CDK7: variants seen among roughly 807,000 people sequenced by gnomAD.
The protein encoded by CDK7 is cyclin-dependent kinase 7.
CDK7 carries 25 observed loss-of-function variants against 49.1 expected under a neutral mutation model. The observed-to-expected ratio is 0.51, with a 90% CI of 0.37 to 0.71. The LOEUF is 0.71. CDK7 is among the 30% of genes least tolerant of loss of function. The pLI is 0.00. For synonymous variants in CDK7, 107 were observed against 140.0 expected (o/e 0.76, Z 1.67); for missense variants, 316 against 411.7 (o/e 0.77, Z 2.01).
chr5:69,267,613 T>C (rs547163137), intron 8 of CDK7, among the ~76,000 whole-genome samples: 8 of 152,150 alleles, frequency 5.3e-5, no homozygotes, highest in Non-Finnish European at 1.0e-4. Flanking sequence ...AAGGATTCTT[T>C]AATCATAACC....
At chr5:69,248,069 TAAC>T (rs1749876170) in intron 2 of CDK7, among the ~76,000 whole-genome samples, 1 of 152,206 alleles carries the variant, frequency 6.6e-6, no homozygotes, top group South Asian at 2.1e-4. Flanking sequence ...TATTGCTCAT[TAAC>T]GTCTTTTCTT....
In CDK7 at chr5:69,248,802, C is replaced by CTTTTTTTTTTTT; in HGVS notation, c.127-3610_127-3599dup. On this transcript the variant is annotated intron_variant, in intron 2 of 11. Transcript: ENST00000256443. Reference sequence around the variant, plus strand: ...ATAACCTTCTTTTCTTTTTTTTTTTCTTTTTTTTTTTTTTTTTGGAGACGG... The same window carrying CTTTTTTTTTTTT: ...ATAACCTTCTTTTCTTTTTTTTTTTCTTTTTTTTTTTTTTTTTTTTTTTTTTTTTGGAGACGG... Among the ~76,000 whole-genome samples the CTTTTTTTTTTTT allele has an allele frequency of 2.1e-3, 193 of 92,150 alleles. 1 individual carries two copies. The highest frequency in any genetic ancestry group is 2.4e-3 in the Non-Finnish European group (120 of 50,036). 60.5% of individuals were successfully genotyped at this position (92,150 alleles called of 152,430 possible).
chr5:69,242,905 C>A (rs887816592), intron 2 of CDK7, among the ~76,000 whole-genome samples: 1 of 152,014 alleles, frequency 6.6e-6, no homozygotes, highest in African/African-American at 2.4e-5. Context: ...ATTATCCGGG[C>A]GTGGTGGTGC....
chr5:69,258,529 C>T (rs1001585981), intron 6 of CDK7, among the ~76,000 whole-genome samples: 6 of 151,856 alleles, frequency 4.0e-5, no homozygotes, highest in Admixed American at 2.0e-4. Flanking sequence ...CACAGGTGCC[C>T]GCCACCACGC....
At chr5:69,259,976 A>G (rs1278007512) in intron 7 of CDK7, 40 bp downstream of exon 7, 2 of 1,202,694 alleles carry the variant, frequency 1.7e-6, no homozygotes, top group African/African-American at 3.0e-5. Flanking sequence ...GAGTTTGATC[A>G]GAAATGAGCA....
chr5:69,257,173 G>T (rs1750544066), intron 5 of CDK7, among the ~76,000 whole-genome samples: 1 of 152,158 alleles, frequency 6.6e-6, no homozygotes. Flanking sequence ...TGGGGGCTTT[G>T]GGGTAAAGGA....
intron 2 of CDK7, among the ~76,000 whole-genome samples, chr5:69,236,849 G>A (rs995364029): frequency 1.7e-4 from 25 of 150,238 alleles, no homozygotes; most frequent in Non-Finnish European, 3.4e-4. Flanking sequence ...ACAGGGTTTC[G>A]CCATGTCGGC....
chr5:69,255,810 C>CCTG, intron 5 of CDK7: 1 of 398,430 alleles, frequency 2.5e-6, no homozygotes, highest in South Asian at 2.6e-5. Context: ...AGCATTAGAC[C>CCTG]TATAAGATTT....
At chr5:69,246,693 A>C (rs1445879713) in intron 2 of CDK7, among the ~76,000 whole-genome samples, 1 of 146,128 alleles carries the variant, frequency 6.8e-6, no homozygotes, top group African/African-American at 2.6e-5. Context: ...TGTTTATTTG[A>C]AGGTTTTGTT....
At chr5:69,270,509 T>C (rs1215534105) in intron 9 of CDK7, among the ~76,000 whole-genome samples, 2 of 152,162 alleles carry the variant, frequency 1.3e-5, no homozygotes, top group African/African-American at 4.8e-5. Flanking sequence ...TTTTACAAGA[T>C]GGGAGCATCT....
At chr5:69,258,014 T>C (rs573970920) in intron 5 of CDK7, 29 bp from the exon 6 acceptor site, 1 of 1,005,010 alleles carries the variant, frequency 1.0e-6, no homozygotes, top group South Asian at 1.4e-5. Flanking sequence ...TAATAAAGGG[T>C]ACCTGTATAT....
Position 69,237,068 on chromosome 5 carries a change from A to G in CDK7, c.126+1615A>G, listed in dbSNP as rs540693110. ...CACTCCCTTTAAAACCCTTAACTCT[A>G]CTGAATCTTTCTTCATCTTTCTTTC... is the stretch of plus-strand genomic sequence containing the variant. On this transcript the variant is annotated intron_variant, in intron 2 of 11. Transcript: ENST00000256443. Among the ~76,000 whole-genome samples, 6 of 146,460 alleles carry G rather than the reference A, an allele frequency of 4.1e-5. No individual in the cohort carries two copies. In the South Asian group the frequency reaches 1.1e-3, roughly 26 times the overall value.
intron 8 of CDK7, 22 bp downstream of exon 8, chr5:69,262,326 C>T (rs772048595): frequency 1.2e-6 from 2 of 1,613,812 alleles, no homozygotes; most frequent in Admixed American, 3.3e-5. Flanking sequence ...TTAATGTACG[C>T]ACTTTAATAT....
At chr5:69,258,617 C>T (rs575506137) in intron 6 of CDK7, among the ~76,000 whole-genome samples, 10 of 152,154 alleles carry the variant, frequency 6.6e-5, no homozygotes, top group South Asian at 6.2e-4. Context: ...CTCCTGGCCT[C>T]GTGATCTGCC....
intron 2 of CDK7, among the ~76,000 whole-genome samples, chr5:69,239,883 T>A (rs1751195262): frequency 6.6e-6 from 1 of 152,014 alleles, no homozygotes; most frequent in East Asian, 1.9e-4. Context: ...AGTATTTTTT[T>A]TTTTTTTCAA....
intron 8 of CDK7, among the ~76,000 whole-genome samples, chr5:69,265,680 C>T (rs747902169): frequency 1.5e-4 from 23 of 152,116 alleles, no homozygotes; most frequent in Non-Finnish European, 2.5e-4. Flanking sequence ...GAGGCCAAGG[C>T]GGGTGGATCA....
chr5:69,264,810 A>G (rs1031596307), intron 8 of CDK7, among the ~76,000 whole-genome samples: 1 of 151,956 alleles, frequency 6.6e-6, no homozygotes, highest in South Asian at 2.1e-4. Context: ...ATCTCTACTA[A>G]AAATGCAAAA....
At chr5:69,245,527 G>A (rs551156231) in intron 2 of CDK7, among the ~76,000 whole-genome samples, 62 of 151,724 alleles carry the variant, frequency 4.1e-4, no homozygotes, top group African/African-American at 6.3e-4. Flanking sequence ...TTTTAGTAGC[G>A]ATGGGGTTTC....
At chr5:69,266,757 A>G (rs1187358833) in intron 8 of CDK7, among the ~76,000 whole-genome samples, 1 of 152,054 alleles carries the variant, frequency 6.6e-6, no homozygotes, top group Non-Finnish European at 1.5e-5. Context: ...TCATATAGAA[A>G]TCGATATTTA....
Sources: gnomAD v4.1 joint callset for allele counts (sites outside exome capture counted in the v4.1 genomes callset) on GRCh38, gnomAD v4.1.1 for gene constraint, MANE v1.5 for transcripts, NCBI Gene and HGNC (gene_info 2026-07-23, HGNC 2026-07-21) for gene names.